The following TMEM123 variants were observed in gnomAD, a reference collection of about 807,000 sequenced individuals.
The protein encoded by TMEM123 is transmembrane protein 123.
TMEM123 carries 16 observed loss-of-function variants against 19.7 expected under a neutral mutation model. That is an observed-to-expected ratio of 0.81 (90% CI 0.55 to 1.23). TMEM123 has a LOEUF of 1.23. Among genes scored for constraint, TMEM123 ranks in the 50% most tolerant of loss-of-function variants. The probability of loss-of-function intolerance (pLI) is 0.00; values close to 1 mark genes in which losing one functional copy is unlikely to be tolerated. For missense variants in TMEM123, 313 were observed against 257.8 expected, an observed-to-expected ratio of 1.21 and a Z score of -1.47; for synonymous variants, 118 against 99.4, an observed-to-expected ratio of 1.19 and a Z score of -1.12.
intron 2 of TMEM123, among the ~76,000 whole-genome samples, chr11:102,403,838 G>T (rs969386059): frequency 6.6e-6 from 1 of 152,156 alleles, no homozygotes; most frequent in African/African-American, 2.4e-5. Flanking sequence ...ATGAAAGGGG[G>T]TTGTTATAAA....
At chr11:102,405,269 G>A (rs766240826) in intron 2 of TMEM123, among the ~76,000 whole-genome samples, 27 of 151,260 alleles carry the variant, frequency 1.8e-4, no homozygotes, top group Non-Finnish European at 3.4e-4. Context: ...GGATGGTCTC[G>A]ATCTGATCTC....
Position 102,452,576 on chromosome 11 carries a change from C to T in TMEM123, c.48G>A (p.Thr16=), listed in dbSNP as rs766123053. The change falls in exon 1 of 5, where the codon ACG becomes ACA. Residue 16 remains threonine, a synonymous_variant. Coordinates refer to ENST00000398136, the MANE Select transcript of TMEM123 (RefSeq NM_052932.3). ...CCCCCAGCAGCGCTAGCACCTGCAGCGTCCCCAGGAGCAGCGCGGCCCAAG... is the reference window on the plus strand; with the variant it reads ...CCCCCAGCAGCGCTAGCACCTGCAGTGTCCCCAGGAGCAGCGCGGCCCAAG... ...RGAWAALLLG[T]LQVLALLGAA... The T allele has an allele frequency of 5.1e-6, 8 of 1,572,630 alleles. No homozygotes were observed. In the East Asian group the frequency reaches 1.4e-4, roughly 28 times the overall value.
Position 102,452,632 on chromosome 11 carries a change from G to A in TMEM123, c.-9C>T, listed in dbSNP as rs1211076932. ...CGCGCGCCGAGTCCCATTGTTCCGA[G>A]GGCAGGATGCGGCAGCCTCGTGGGC... On this transcript the variant is annotated 5_prime_UTR_variant, in exon 1 of 5. Transcript: ENST00000398136. 2 of 1,520,112 alleles carry A rather than the reference G, an allele frequency of 1.3e-6. No individual in the cohort carries two copies. The highest frequency in any genetic ancestry group is 8.8e-7 in the Non-Finnish European group (1 of 1,133,676). The allele number at this position is 1,520,112 out of a possible 1,614,324, so 94.2% of individuals were successfully genotyped here. A position where few individuals can be genotyped will look rare whatever the true frequency, so the allele number is the denominator to read the frequency against.
chr11:102,438,503 G>A (rs564364261), intron 2 of TMEM123, among the ~76,000 whole-genome samples: 52 of 152,270 alleles, frequency 3.4e-4, no homozygotes, highest in Non-Finnish European at 5.3e-4. Flanking sequence ...AGTGACTAAC[G>A]GAGTGGGCAG....
intron 2 of TMEM123, among the ~76,000 whole-genome samples, chr11:102,418,235 C>A (rs901913311): frequency 1.3e-5 from 2 of 152,030 alleles, no homozygotes; most frequent in African/African-American, 4.8e-5. Flanking sequence ...AAACTATCAA[C>A]AAAGTAAACA....
chr11:102,447,793 G>A lies in TMEM123; in HGVS notation c.157+1019C>T, dbSNP rs760170840. On this transcript the variant is annotated intron_variant, in intron 2 of 4. Transcript: ENST00000398136. ...TAGAATTAAAGTATGTCCTGACTAC[G>A]TACCACCAGACACCAGTCAAAAAGG... is the stretch of plus-strand genomic sequence containing the variant. Among the ~76,000 whole-genome samples the A allele has an allele frequency of 3.3e-5, 5 of 151,888 alleles. No homozygotes were observed. In the East Asian group the frequency reaches 5.8e-4, roughly 18 times the overall value.
chr11:102,410,281 A>G (rs1191963140), intron 2 of TMEM123, among the ~76,000 whole-genome samples: 3 of 152,292 alleles, frequency 2.0e-5, no homozygotes, highest in Admixed American at 2.0e-4. Context: ...GTAAGGAAAC[A>G]TAGCCTGAAA....
intron 1 of TMEM123, chr11:102,452,125 G>C (rs1397826514): frequency 6.2e-6 from 1 of 161,504 alleles, no homozygotes; most frequent in Non-Finnish European, 1.3e-5. Context: ...ACGTTTCCGC[G>C]GGCCTAGGTA....
intron 2 of TMEM123, among the ~76,000 whole-genome samples, chr11:102,429,363 C>A (rs542574194): frequency 6.6e-6 from 1 of 152,156 alleles, no homozygotes; most frequent in East Asian, 1.9e-4. Context: ...ATCACGCTTA[C>A]GGTTCCTCTT....
At chr11:102,429,808 T>A (rs1952160381) in intron 2 of TMEM123, among the ~76,000 whole-genome samples, 1 of 152,182 alleles carries the variant, frequency 6.6e-6, no homozygotes, top group Non-Finnish European at 1.5e-5. Context: ...TGCTCCACCA[T>A]CACTAAAGCC....
Position 102,425,784 on chromosome 11 carries a change from T to C in TMEM123, c.157+23028A>G, listed in dbSNP as rs111716298. Among the ~76,000 whole-genome samples the C allele has an allele frequency of 1.4e-3, 219 of 152,002 alleles. 2 individuals are homozygous for C. The highest frequency in any genetic ancestry group is 5.1e-3 in the African/African-American group (212 of 41,442). Reference sequence around the variant, plus strand: ...TTTTTTGTGGAGACAGGTTTCCCCATGTTGTGCAGGCTGGTCTTAACTCCT... The same window carrying C: ...TTTTTTGTGGAGACAGGTTTCCCCACGTTGTGCAGGCTGGTCTTAACTCCT... On this transcript the variant is annotated intron_variant, in intron 2 of 4. Coordinates refer to ENST00000398136, the MANE Select transcript of TMEM123 (RefSeq NM_052932.3).
chr11:102,415,821 A>G lies in TMEM123; in HGVS notation c.158-13615T>C, dbSNP rs1321671276. Among the ~76,000 whole-genome samples the G allele has an allele frequency of 2.0e-5, 3 of 152,206 alleles. No individual in the cohort carries two copies. In the East Asian group the frequency reaches 5.8e-4, roughly 29 times the overall value. On this transcript the variant is annotated intron_variant, in intron 2 of 4. Transcript: ENST00000398136. ...CCTAGCAGAAGAAAAGAAATAACCA[A>G]AATCAGAGCTGAACTCAATGAAATT...
At chr11:102,431,208 T>C (rs746571451) in intron 2 of TMEM123, among the ~76,000 whole-genome samples, 2 of 152,240 alleles carry the variant, frequency 1.3e-5, no homozygotes, top group Non-Finnish European at 2.9e-5. Context: ...ACATGATATT[T>C]TGATATATGT....
rs776065963 is a variant in TMEM123 at position 102,398,921 on chromosome 11, TG to T, written c.603-31del. On this transcript the variant is annotated intron_variant, in intron 4 of 4. Coordinates refer to ENST00000398136, the MANE Select transcript of TMEM123 (RefSeq NM_052932.3). ...AATATATTAAAAGTTACAATTACTT[TG>T]TTTTGTTTTTTCTGTCAAAACTACT... 5 of 1,593,704 alleles carry T rather than the reference TG, an allele frequency of 3.1e-6. No homozygotes were observed. In the East Asian group the frequency reaches 1.1e-4, roughly 36 times the overall value.
intron 2 of TMEM123, among the ~76,000 whole-genome samples, chr11:102,426,413 C>T (rs556420029): frequency 5.5e-4 from 84 of 152,036 alleles, no homozygotes; most frequent in African/African-American, 1.9e-3. Flanking sequence ...AGCACTTTTA[C>T]GCCCGCATCA....
chr11:102,440,907 A>C (rs1432161243), intron 2 of TMEM123, among the ~76,000 whole-genome samples: 2 of 152,240 alleles, frequency 1.3e-5, no homozygotes, highest in Non-Finnish European at 2.9e-5. Flanking sequence ...GTCTCTGATA[A>C]AACAGACTTT....
intron 1 of TMEM123, among the ~76,000 whole-genome samples, chr11:102,451,978 C>T (rs146663300): frequency 6.6e-6 from 1 of 152,230 alleles, no homozygotes; most frequent in East Asian, 1.9e-4. Flanking sequence ...AAGCTCCCAA[C>T]TAGCTCCAAG....
intron 2 of TMEM123, among the ~76,000 whole-genome samples, chr11:102,412,499 T>C (rs1021015322): frequency 2.6e-5 from 4 of 152,258 alleles, no homozygotes; most frequent in East Asian, 3.9e-4. Context: ...TAACTGTTTA[T>C]AAGTAATACA....
At chr11:102,445,025 G>T (rs190794822) in intron 2 of TMEM123, among the ~76,000 whole-genome samples, 2 of 151,930 alleles carry the variant, frequency 1.3e-5, no homozygotes, top group East Asian at 4.0e-4. Context: ...GTCGTGGGGT[G>T]GGGGGAAGGG....
Sources: allele counts gnomAD v4.1 joint callset (sites outside exome capture counted in the v4.1 genomes callset), GRCh38; gene constraint gnomAD v4.1.1; transcripts MANE v1.5; gene names NCBI Gene and HGNC (gene_info 2026-07-23, HGNC 2026-07-21).